Variants in ZNF680 observed in about 807,000 individuals in gnomAD.
ZNF680 encodes the protein zinc finger protein 680.
A neutral mutation model predicts 12.1 loss-of-function variants in ZNF680; 6 were observed. The ratio of observed to expected loss-of-function variants is 0.49; its 90% CI spans 0.27 to 0.98. ZNF680 has a LOEUF of 0.98. Among genes scored for constraint, ZNF680 ranks in the 50% least tolerant of loss-of-function variants. The pLI is 0.12. For missense variants in ZNF680, 561 were observed against 616.3 expected, an observed-to-expected ratio of 0.91 and a Z score of 0.95; for synonymous variants, 170 against 199.3, an observed-to-expected ratio of 0.85 and a Z score of 1.24.
chr7:64,507,436 T>C, the ZNF680 span, among the ~76,000 whole-genome samples: 2 of 151,986 alleles, frequency 1.3e-5, no homozygotes, highest in Admixed American at 6.6e-5. Flanking sequence ...TATTTCAAAA[T>C]AACAGAGTAA....
At chr7:64,547,163 GTAATGTGATTC>G (rs1467235452) in intron 1 of ZNF680, among the ~76,000 whole-genome samples, 2 of 152,166 alleles carry the variant, frequency 1.3e-5, no homozygotes, top group African/African-American at 4.8e-5. Flanking sequence ...CTCACTCTAT[GTAATGTGATTC>G]TGCAGGTTTG....
chr7:64,539,130 C>CAAA (rs529165573), intron 3 of ZNF680, among the ~76,000 whole-genome samples: 4 of 77,688 alleles, frequency 5.1e-5, no homozygotes, highest in African/African-American at 2.1e-4. Context: ...GACTCCATCT[C>CAAA]AAAAAAAAAA....
At chr7:64,505,057 A>T in the ZNF680 span, among the ~76,000 whole-genome samples, 1 of 152,170 alleles carries the variant, frequency 6.6e-6, no homozygotes, top group Non-Finnish European at 1.5e-5. Flanking sequence ...TCTAAATAAT[A>T]CTCCCTTTGA....
In ZNF680 at chr7:64,556,262, A is replaced by G. The variant is rs1360413198; in HGVS notation, c.30+6663T>C. Reference sequence around the variant, plus strand: ...CCAATAACATTCTTCACGGAACTAAAAAAAAAAAAAAAAAAAAGTATTTTA... The same window carrying G: ...CCAATAACATTCTTCACGGAACTAAGAAAAAAAAAAAAAAAAAGTATTTTA... On this transcript the variant is annotated intron_variant, in intron 1 of 3. Transcript: ENST00000309683. Among the ~76,000 whole-genome samples, 998 of 124,888 alleles carry G rather than the reference A, an allele frequency of 8.0e-3. 5 individuals carry two copies. The highest frequency in any genetic ancestry group is 0.038 in the African/African-American group (964 of 25,582). The allele number at this position is 124,888 out of a possible 152,430, so 81.9% of individuals were successfully genotyped here. A position where few individuals can be genotyped will look rare whatever the true frequency, so the allele number is the denominator to read the frequency against.
intron 1 of ZNF680, among the ~76,000 whole-genome samples, chr7:64,555,073 A>G (rs1400624899): frequency 6.6e-6 from 1 of 152,212 alleles, no homozygotes; most frequent in Non-Finnish European, 1.5e-5. Context: ...AGATTCTGAC[A>G]CAATAATAGT....
intron 3 of ZNF680, among the ~76,000 whole-genome samples, chr7:64,536,320 C>T (rs1786166236): frequency 6.6e-6 from 1 of 152,190 alleles, no homozygotes. Context: ...ATTTGGCTCA[C>T]ACTTTGGCAG....
At position 64,521,715 on chromosome 7, in the gene ZNF680, C is replaced by T. The variant is rs767173786; in HGVS notation, c.1039G>A (p.Glu347Lys). 1 of 1,612,508 alleles carries T rather than the reference C, an allele frequency of 6.2e-7. No homozygotes were observed. Among genetic ancestry groups the T allele is most frequent in the Non-Finnish European group, 8.5e-7 (1 of 1,179,760 alleles). The change falls in exon 4 of 4, where the codon GAG becomes AAG. Residue 347 changes from glutamate (E) to lysine (K), a missense_variant. Transcript: ENST00000309683. ...CATTCTTCACATTTGTAGGGTTTCT[C>T]TCCAGTATGAATTTTCTTATGTTTA... ...LTKHKKIHTG[E>K]KPYKCEECGK...
intron 1 of ZNF680, among the ~76,000 whole-genome samples, chr7:64,561,882 C>A (rs938331184): frequency 4.8e-5 from 7 of 146,442 alleles, no homozygotes; most frequent in Non-Finnish European, 1.0e-4. Flanking sequence ...TTGCAGTGAG[C>A]CGAGATCGCG....
chr7:64,543,645 CT>C, intron 3 of ZNF680, 61 bp downstream of exon 3: 1 of 1,396,502 alleles, frequency 7.2e-7, no homozygotes, highest in South Asian at 1.2e-5. Context: ...AACTGACTTT[CT>C]CTTTGACATC....
the ZNF680 span, among the ~76,000 whole-genome samples, chr7:64,506,837 T>C: frequency 1.3e-5 from 2 of 152,250 alleles, no homozygotes; most frequent in Non-Finnish European, 2.9e-5. Flanking sequence ...TCAGTAGCTC[T>C]GTTTCTTCCT....
chr7:64,548,369 T>G (rs1176119896), intron 1 of ZNF680, among the ~76,000 whole-genome samples: 3 of 152,232 alleles, frequency 2.0e-5, no homozygotes, highest in Admixed American at 2.0e-4. Flanking sequence ...AGGCCAAGTT[T>G]TTTTCTTTTC....
In ZNF680 at chr7:64,555,054, AAG is replaced by A. The variant is rs921299964; in HGVS notation, c.30+7869_30+7870del. ...TAAAGCAAGTTCTTAGAGACCTATG[AAG>A]AGACTTAGATTCTGACACAATAATA... On this transcript the variant is annotated intron_variant, in intron 1 of 3. Coordinates refer to ENST00000309683, the MANE Select transcript of ZNF680 (RefSeq NM_178558.5). 4.7e-4 allele frequency among the ~76,000 whole-genome samples: 72 copies of A among 152,308 alleles called. 1 individual carries two copies. The highest frequency in any genetic ancestry group is 1.6e-3 in the African/African-American group (68 of 41,568).
intron 3 of ZNF680, among the ~76,000 whole-genome samples, chr7:64,537,703 A>T (rs1430033332): frequency 6.6e-6 from 1 of 152,160 alleles, no homozygotes; most frequent in Non-Finnish European, 1.5e-5. Context: ...CAAGGCGGGC[A>T]GATCACAAGG....
chr7:64,562,458 TCAAGCCCCTCC>T (rs914067728), intron 1 of ZNF680, among the ~76,000 whole-genome samples: 8 of 152,214 alleles, frequency 5.3e-5, no homozygotes, highest in African/African-American at 1.9e-4. Context: ...AGTCTTTCCT[TCAAGCCCCTCC>T]CATGGACCAC....
chr7:64,502,999 A>G, the ZNF680 span, among the ~76,000 whole-genome samples: 3 of 152,042 alleles, frequency 2.0e-5, no homozygotes, highest in African/African-American at 7.2e-5. Flanking sequence ...GTCAGGTGCC[A>G]GATTCCAATT....
At position 64,520,999 on chromosome 7, in the gene ZNF680, G is replaced by T. The variant is rs757334538; in HGVS notation, c.*162C>A. 4.2e-5 allele frequency: 30 copies of T among 710,288 alleles called. No individual in the cohort carries two copies. Among genetic ancestry groups the T allele is most frequent in the Admixed American group, 9.6e-5 (3 of 31,240 alleles). The allele number at this position is 710,288 out of a possible 1,614,324, so 44.0% of individuals were successfully genotyped here. A position where few individuals can be genotyped will look rare whatever the true frequency, so the allele number is the denominator to read the frequency against. ...TGCTTTCCTGTGCAATAAGATGTGA[G>T]TATTGGTTAAGTTTTGTCACATTCT... On this transcript the variant is annotated 3_prime_UTR_variant, in exon 4 of 4. Transcript: ENST00000309683.
chr7:64,524,026 G>C (rs1791694657), intron 3 of ZNF680, among the ~76,000 whole-genome samples: 1 of 150,640 alleles, frequency 6.6e-6, no homozygotes, highest in Non-Finnish European at 1.5e-5. Context: ...CACATTTCAT[G>C]TAAATATTAA....
chr7:64,558,553 A>G (rs1787546544), intron 1 of ZNF680, among the ~76,000 whole-genome samples: 1 of 152,142 alleles, frequency 6.6e-6, no homozygotes, highest in African/African-American at 2.4e-5. Context: ...ATACTGAGAA[A>G]AGCTACAGGG....
the ZNF680 span, among the ~76,000 whole-genome samples, chr7:64,506,035 G>A: frequency 6.6e-6 from 1 of 151,864 alleles, no homozygotes; most frequent in Non-Finnish European, 1.5e-5. Context: ...CAACACATTA[G>A]TGACCTAATT....
Sources: allele counts gnomAD v4.1 joint callset (sites outside exome capture counted in the v4.1 genomes callset), GRCh38; gene constraint gnomAD v4.1.1; transcripts MANE v1.5; gene names NCBI Gene and HGNC (gene_info 2026-07-23, HGNC 2026-07-21).